The following NDUFB8 variants were observed in gnomAD, a reference collection of about 807,000 sequenced individuals.
NDUFB8 encodes the protein NADH:ubiquinone oxidoreductase subunit B8.
In NDUFB8, 17 loss-of-function variants were observed where a neutral mutation model predicts 26.0. The ratio of observed to expected loss-of-function variants is 0.65; its 90% CI spans 0.45 to 0.98. The LOEUF (loss-of-function observed/expected upper bound fraction) is 0.98, where lower values mean the gene tolerates loss of function less well. Ranked by LOEUF, NDUFB8 falls within the 50% of genes least tolerant of loss-of-function variation. The probability of loss-of-function intolerance (pLI) is 0.00; values close to 1 mark genes in which losing one functional copy is unlikely to be tolerated. For missense variants in NDUFB8, 238 were observed against 255.0 expected (o/e 0.93, Z 0.45); for synonymous variants, 89 against 93.1 (o/e 0.96, Z 0.25).
At chr10:100,529,130 C>A (rs1039739615) in intron 2 of NDUFB8, 5 of 335,848 alleles carry the variant, frequency 1.5e-5, no homozygotes, top group African/African-American at 8.7e-5. Context: ...CGGGGGTCCT[C>A]GAGGGAGCCA....
Position 100,523,893 on chromosome 10 carries a change from C to T in NDUFB8, c.505G>A (p.Glu169Lys). The T allele has an allele frequency of 1.2e-6, 2 of 1,614,118 alleles. No individual in the cohort carries two copies. The highest frequency in any genetic ancestry group is 1.1e-5 in the South Asian group (1 of 91,068). Residue 169 changes from glutamate (E) to lysine (K), a missense_variant, in exon 5 of 5, where the codon GAA becomes AAA. By Grantham distance (56) the Glu-to-Lys change is moderately conservative. Transcript: ENST00000299166. ...TCTTTGGAGGGATCACCGCCTCGTT[C>T]CAGGTACAGATTATTGTAAGGATAC... The part of the protein sequence containing the change: ...KQYPYNNLYL[E>K]RGGDPSKEPE...
intron 1 of NDUFB8, 29 bp downstream of exon 1, chr10:100,529,738 A>C: frequency 6.2e-7 from 1 of 1,606,530 alleles, no homozygotes; most frequent in Non-Finnish European, 8.5e-7. Flanking sequence ...CCCCCTTCCC[A>C]CACTGAGGTC....
chr10:100,526,423 G>A lies in NDUFB8; in HGVS notation c.444C>T (p.Asp148=), dbSNP rs367781741. The A allele has an allele frequency of 1.5e-4, 249 of 1,608,888 alleles. No individual in the cohort carries two copies. Among genetic ancestry groups the A allele is most frequent in the Non-Finnish European group, 2.0e-4 (236 of 1,178,674 alleles). The change falls in exon 4 of 5, where the codon GAC becomes GAT. Residue 148 remains aspartate (D), a synonymous_variant. Transcript: ENST00000299166. ...AFMIFMCWVG[D]VYPVYQPVGP... ...CCACAGGCTGGTAGACAGGGTACACGTCCCCCACCCAGCACATGAATATCA... is the reference window on the plus strand; with the variant it reads ...CCACAGGCTGGTAGACAGGGTACACATCCCCCACCCAGCACATGAATATCA...
chr10:100,526,668 G>A, intron 3 of NDUFB8, 114 bp from the exon 4 acceptor site: 5 of 1,288,414 alleles, frequency 3.9e-6, no homozygotes, highest in Middle Eastern at 4.1e-4. Flanking sequence ...ACTGCCCTGG[G>A]ACAATATGCT....
chr10:100,526,484 A>G lies in NDUFB8; in HGVS notation c.383T>C (p.Val128Ala), dbSNP rs775478218. The stretch of plus-strand genomic sequence containing the variant: ...GAAACCGAAGAGCTGCATACACATG[A>G]CATGCCAAGAAACAGGTGTGGGGGA... Reference protein sequence around the residue: ...DTSPTPVSWHVMCMQLFGFLA... With the variant: ...DTSPTPVSWHAMCMQLFGFLA... The change falls in exon 4 of 5, where the codon GTC becomes GCC. Residue 128 changes from valine (V) to alanine (A), a missense_variant. By Grantham distance (64) the Val-to-Ala change is moderately conservative. Coordinates refer to ENST00000299166, the MANE Select transcript of NDUFB8 (RefSeq NM_005004.4). 6.2e-7 allele frequency: 1 copy of G among 1,612,568 alleles called. No homozygotes were observed. Among genetic ancestry groups the G allele is most frequent in the Non-Finnish European group, 8.5e-7 (1 of 1,179,616 alleles).
intron 4 of NDUFB8, among the ~76,000 whole-genome samples, chr10:100,525,275 G>A (rs1428947253): frequency 1.4e-5 from 2 of 145,870 alleles, no homozygotes; most frequent in Non-Finnish European, 3.0e-5. Flanking sequence ...TTTTTTTTTC[G>A]AGACAGAGTC....
intron 1 of NDUFB8, 29 bp from the exon 2 acceptor site, chr10:100,529,535 G>T: frequency 1.9e-6 from 3 of 1,605,818 alleles, no homozygotes; most frequent in Non-Finnish European, 2.5e-6. Context: ...CAGGTCAGAA[G>T]CGAGCCCGCT....
rs1294092470 is a variant in NDUFB8, at chr10:100,524,163, G to A, written c.469-234C>T. The A allele has an allele frequency of 3.2e-6, 5 of 1,556,810 alleles. No individual in the cohort carries two copies. Among genetic ancestry groups the A allele is most frequent in the Middle Eastern group, 3.3e-4 (2 of 6,012 alleles). The stretch of plus-strand genomic sequence containing the variant: ...CACTGTGAGAGAGAAGGAGAAAGGG[G>A]GAGGGAAGGGGGTTAGGGAAAGGAG... On this transcript the variant is annotated intron_variant, in intron 4 of 4. Transcript: ENST00000299166. The surrounding 1 kb of genome is among the most constrained non-coding windows in gnomAD (Gnocchi z 4.0).
At chr10:100,528,315 A>C (rs1008592626) in intron 2 of NDUFB8, among the ~76,000 whole-genome samples, 1 of 152,186 alleles carries the variant, frequency 6.6e-6, no homozygotes, top group African/African-American at 2.4e-5. Flanking sequence ...GTACACTCCT[A>C]ATGTTCATAC....
intron 3 of NDUFB8, 78 bp from the exon 4 acceptor site, chr10:100,526,632 G>C: frequency 6.6e-7 from 1 of 1,524,166 alleles, no homozygotes; most frequent in Non-Finnish European, 9.0e-7. Context: ...ATTAGAGCCT[G>C]ATACAAGGCT....
chr10:100,528,017 G>A (rs1030531460), intron 2 of NDUFB8, among the ~76,000 whole-genome samples: 10 of 152,200 alleles, frequency 6.6e-5, no homozygotes, highest in African/African-American at 1.7e-4. Context: ...ACAGGGTTTC[G>A]CCACGTTAGC....
intron 4 of NDUFB8, among the ~76,000 whole-genome samples, chr10:100,525,199 G>A (rs904294202): frequency 1.3e-5 from 2 of 152,066 alleles, no homozygotes; most frequent in Non-Finnish European, 2.9e-5. Context: ...CGGTTATTTA[G>A]GAACGATTCT....
At chr10:100,529,728 C>A in intron 1 of NDUFB8, 39 bp downstream of exon 1, 3 of 1,594,936 alleles carry the variant, frequency 1.9e-6, no homozygotes, top group South Asian at 1.1e-5. Context: ...ATTTCAGGTA[C>A]CCCCTTCCCA....
intron 4 of NDUFB8, 23 bp downstream of exon 4, chr10:100,526,375 AG>A (rs777997157): frequency 2.6e-6 from 4 of 1,565,866 alleles, no homozygotes; most frequent in Non-Finnish European, 3.4e-6. Flanking sequence ...AGCGTGCCTA[AG>A]GGAGCACTTC....
intron 3 of NDUFB8, 67 bp downstream of exon 3, chr10:100,526,908 T>G (rs1295906787): frequency 6.8e-7 from 1 of 1,471,770 alleles, no homozygotes; most frequent in African/African-American, 1.4e-5. Flanking sequence ...AGAAGTGCCA[T>G]CTGAGCTAAA....
rs368336013 is a variant in NDUFB8 at position 100,524,571 on chromosome 10, A to T, written c.469-642T>A. Among the ~76,000 whole-genome samples the T allele has an allele frequency of 5.3e-5, 8 of 152,164 alleles. No homozygotes were observed. The highest frequency in any genetic ancestry group is 1.9e-4 in the African/African-American group (8 of 41,440). On this transcript the variant is annotated intron_variant, in intron 4 of 4. Coordinates refer to ENST00000299166, the MANE Select transcript of NDUFB8 (RefSeq NM_005004.4). The surrounding 1 kb of genome is among the most constrained non-coding windows in gnomAD (Gnocchi z 4.0). ...CTCTCCTGAAGTGAAGTTAGTGCTC[A>T]CCCTAGCCCTACGTGCATTCTCCAG...
intron 4 of NDUFB8, chr10:100,526,108 A>G (rs1162754786): frequency 1.8e-5 from 5 of 273,278 alleles, no homozygotes; most frequent in Non-Finnish European, 2.7e-5. Context: ...AATATTGTTA[A>G]TAAATATAAT....
chr10:100,526,361 A>G, intron 4 of NDUFB8, 38 bp downstream of exon 4: 1 of 1,538,484 alleles, frequency 6.5e-7, no homozygotes, highest in Non-Finnish European at 8.7e-7. Context: ...AATGGGGCTA[A>G]GCAAGCGTGC....
intron 4 of NDUFB8, among the ~76,000 whole-genome samples, chr10:100,525,291 C>G (rs565632985): frequency 3.4e-4 from 51 of 151,336 alleles, no homozygotes; most frequent in African/African-American, 1.2e-3. Context: ...GAGTCTTGCT[C>G]TGTTGCCCAG....
Sources: allele counts gnomAD v4.1 joint callset (sites outside exome capture counted in the v4.1 genomes callset), GRCh38; gene constraint gnomAD v4.1.1; non-coding constraint Gnocchi (gnomAD v3.1); transcripts MANE v1.5; gene names NCBI Gene and HGNC (gene_info 2026-07-23, HGNC 2026-07-21).